The following ACSS3 variants were observed in gnomAD, a reference collection of about 807,000 sequenced individuals.
ACSS3 encodes acyl-CoA synthetase short-chain family member 3, mitochondrial.
ACSS3 carries 64 observed loss-of-function variants against 84.2 expected under a neutral mutation model. That is an observed-to-expected ratio of 0.76 (90% CI 0.62 to 0.94). ACSS3 has a LOEUF of 0.94. Among genes scored for constraint, ACSS3 ranks in the 40% least tolerant of loss-of-function variants. ACSS3 has a pLI of 0.00. For synonymous variants in ACSS3, 317 were observed against 310.1 expected (o/e 1.02, Z -0.23); for missense variants, 815 against 867.6 (o/e 0.94, Z 0.76).
At chr12:81,233,612 C>A (rs1201897063) in intron 13 of ACSS3, 141 bp downstream of exon 13, 2 of 1,042,880 alleles carry the variant, frequency 1.9e-6, no homozygotes, top group Non-Finnish European at 2.7e-6. Context: ...ACATCTCTCC[C>A]ACCTCACTTT....
chr12:81,107,066 C>A (rs1883072207), intron 1 of ACSS3, among the ~76,000 whole-genome samples: 1 of 151,636 alleles, frequency 6.6e-6, no homozygotes, highest in African/African-American at 2.4e-5. Flanking sequence ...GTAGAGATGT[C>A]CTGCAGACTT....
At chr12:81,250,550 AACTT>A (rs968413020) in intron 13 of ACSS3, among the ~76,000 whole-genome samples, 2 of 152,102 alleles carry the variant, frequency 1.3e-5, no homozygotes, top group Admixed American at 6.6e-5. Context: ...TAAGGACAAA[AACTT>A]AGTAAAATTT....
At chr12:81,101,629 A>G (rs1416663928) in intron 1 of ACSS3, among the ~76,000 whole-genome samples, 1 of 152,156 alleles carries the variant, frequency 6.6e-6, no homozygotes, top group Admixed American at 6.5e-5. Flanking sequence ...GATGCATAAT[A>G]TGTATTTAAA....
Position 81,174,911 on chromosome 12 carries a change from G to A in ACSS3, c.1222G>A (p.Ala408Thr). ...AATCCGTCAACAGGACCCTGGGGCAGCTTTGGGGAAGCAGTACTCTCTGAC... is the reference window on the plus strand; with the variant it reads ...AATCCGTCAACAGGACCCTGGGGCAACTTTGGGGAAGCAGTACTCTCTGAC... ...RAIRQQDPGAALGKQYSLTRF... is the reference protein window; with the variant it reads ...RAIRQQDPGATLGKQYSLTRF... The change falls in exon 8 of 16, where the codon GCT becomes ACT. Residue 408 changes from alanine to threonine, a missense_variant. Coordinates refer to ENST00000548058, the MANE Select transcript of ACSS3 (RefSeq NM_024560.4). The A allele has an allele frequency of 6.2e-7, 1 of 1,613,948 alleles. No individual in the cohort carries two copies. Among genetic ancestry groups the A allele is most frequent in the Non-Finnish European group, 8.5e-7 (1 of 1,179,878 alleles).
intron 1 of ACSS3, among the ~76,000 whole-genome samples, chr12:81,100,027 C>T (rs1024389974): frequency 1.3e-5 from 2 of 152,032 alleles, no homozygotes; most frequent in Non-Finnish European, 2.9e-5. Flanking sequence ...AACAAGGCCA[C>T]AGTCAAACAT....
chr12:81,148,891 C>T (rs532271763), intron 5 of ACSS3, among the ~76,000 whole-genome samples: 5 of 124,330 alleles, frequency 4.0e-5, no homozygotes, highest in Non-Finnish European at 8.4e-5. Context: ...GAAACCCTGC[C>T]TCTACTAAAA....
intron 1 of ACSS3, among the ~76,000 whole-genome samples, chr12:81,096,737 C>T (rs778976814): frequency 2.6e-5 from 4 of 151,864 alleles, no homozygotes; most frequent in Non-Finnish European, 5.9e-5. Context: ...TTTTCTGTTC[C>T]TGTGTTAGTT....
At chr12:81,140,956 A>G (rs1410570495) in intron 4 of ACSS3, among the ~76,000 whole-genome samples, 2 of 152,206 alleles carry the variant, frequency 1.3e-5, no homozygotes, top group Admixed American at 6.5e-5. Flanking sequence ...AATGAAATAC[A>G]TGCTGTTTCT....
intron 9 of ACSS3, among the ~76,000 whole-genome samples, chr12:81,201,760 C>T (rs921998105): frequency 6.6e-6 from 1 of 152,048 alleles, no homozygotes; most frequent in African/African-American, 2.4e-5. Context: ...GCTTTTACAG[C>T]CTTTGTTTGG....
At chr12:81,199,754 G>A (rs1438849533) in intron 9 of ACSS3, 1 of 1,153,220 alleles carries the variant, frequency 8.7e-7, no homozygotes, top group Non-Finnish European at 1.2e-6. Context: ...GTGTCTGTTG[G>A]GTTCATTCCA....
intron 9 of ACSS3, among the ~76,000 whole-genome samples, chr12:81,215,231 C>T (rs1338809841): frequency 6.6e-6 from 1 of 152,166 alleles, no homozygotes; most frequent in African/African-American, 2.4e-5. Flanking sequence ...TACCTTCCCC[C>T]CTGCCCCCCA....
chr12:81,193,557 C>T (rs2031685237), intron 8 of ACSS3, among the ~76,000 whole-genome samples: 1 of 151,830 alleles, frequency 6.6e-6, no homozygotes, highest in Non-Finnish European at 1.5e-5. Flanking sequence ...TTTCTCTCCT[C>T]TCCTTTTTTT....
At chr12:81,207,812 T>G (rs1265499155) in intron 9 of ACSS3, among the ~76,000 whole-genome samples, 1 of 152,106 alleles carries the variant, frequency 6.6e-6, no homozygotes, top group African/African-American at 2.4e-5. Context: ...TCTCATGCCT[T>G]CATTAACTCA....
chr12:81,239,492 G>A (rs1015692020), intron 13 of ACSS3, among the ~76,000 whole-genome samples: 5 of 151,962 alleles, frequency 3.3e-5, no homozygotes, highest in African/African-American at 1.2e-4. Flanking sequence ...AAGGAAAGAG[G>A]TTTAATTGAC....
chr12:81,240,072 G>T (rs944688811), intron 13 of ACSS3, among the ~76,000 whole-genome samples: 1 of 151,838 alleles, frequency 6.6e-6, no homozygotes, highest in African/African-American at 2.4e-5. Flanking sequence ...GCCTATTGAT[G>T]TCAATTTTAT....
intron 1 of ACSS3, among the ~76,000 whole-genome samples, chr12:81,078,879 G>C (rs1353333599): frequency 6.6e-6 from 1 of 152,198 alleles, no homozygotes; most frequent in Non-Finnish European, 1.5e-5. Flanking sequence ...TAAGGGTTTG[G>C]AAGGATGGGT....
At chr12:81,235,273 G>C (rs2033594877) in intron 13 of ACSS3, among the ~76,000 whole-genome samples, 1 of 150,820 alleles carries the variant, frequency 6.6e-6, no homozygotes, top group Admixed American at 6.6e-5. Flanking sequence ...CTATTTCATT[G>C]ATCTATGTTT....
intron 7 of ACSS3, among the ~76,000 whole-genome samples, chr12:81,157,787 A>G (rs1464386789): frequency 1.3e-5 from 2 of 152,170 alleles, no homozygotes; most frequent in Non-Finnish European, 2.9e-5. Context: ...AGCCTGGGCA[A>G]CAGAGCAAGA....
At chr12:81,141,861 T>C (rs933591229) in intron 4 of ACSS3, among the ~76,000 whole-genome samples, 1 of 152,208 alleles carries the variant, frequency 6.6e-6, no homozygotes, top group Non-Finnish European at 1.5e-5. Context: ...CCAGTACCTA[T>C]CAGAGTGGGG....
Sources: allele counts gnomAD v4.1 joint callset (sites outside exome capture counted in the v4.1 genomes callset), GRCh38; gene constraint gnomAD v4.1.1; transcripts MANE v1.5; gene names NCBI Gene and HGNC (gene_info 2026-07-23, HGNC 2026-07-21).